PI4K2A: variants seen among roughly 807,000 people sequenced by gnomAD.
The protein encoded by PI4K2A is phosphatidylinositol 4-kinase type 2 alpha.
A neutral mutation model predicts 55.0 loss-of-function variants in PI4K2A; 20 were observed. That is an observed-to-expected ratio of 0.36 (90% CI 0.26 to 0.53). The LOEUF is 0.53. PI4K2A is among the 20% of genes least tolerant of loss of function. The probability of loss-of-function intolerance (pLI) is 0.91; values close to 1 mark genes in which losing one functional copy is unlikely to be tolerated. For missense variants in PI4K2A, 463 were observed against 637.1 expected, an observed-to-expected ratio of 0.73 and a Z score of 2.94; for synonymous variants, 235 against 258.5, an observed-to-expected ratio of 0.91 and a Z score of 0.87.
At chr10:97,650,536 C>T (rs2041526200) in intron 1 of PI4K2A, among the ~76,000 whole-genome samples, 2 of 152,168 alleles carry the variant, frequency 1.3e-5, no homozygotes, top group African/African-American at 4.8e-5. Context: ...CCCGCCTTGG[C>T]CTCCCAAAGT....
chr10:97,668,076 G>C (rs1453402179), intron 8 of PI4K2A, among the ~76,000 whole-genome samples: 1 of 152,172 alleles, frequency 6.6e-6, no homozygotes, highest in African/African-American at 2.4e-5. Context: ...AAAATGGTTT[G>C]AAAACTCTGT....
At chr10:97,641,623 C>T (rs1047905753) in intron 1 of PI4K2A, among the ~76,000 whole-genome samples, 1 of 152,176 alleles carries the variant, frequency 6.6e-6, no homozygotes, top group Admixed American at 6.5e-5. Context: ...ATCAGGGGAT[C>T]TGAGAATTCA....
At chr10:97,669,072 G>T (rs187105198) in intron 8 of PI4K2A, among the ~76,000 whole-genome samples, 5 of 152,226 alleles carry the variant, frequency 3.3e-5, no homozygotes, top group African/African-American at 9.6e-5. Context: ...CACCATGTTG[G>T]CCAGGGTGGT....
chr10:97,670,641 A>G (rs897034459), intron 8 of PI4K2A, among the ~76,000 whole-genome samples: 2 of 152,166 alleles, frequency 1.3e-5, no homozygotes, highest in African/African-American at 4.8e-5. Context: ...GTACCAAAAC[A>G]ATTAAGTAAA....
chr10:97,654,658 G>A (rs1254433932), intron 2 of PI4K2A, among the ~76,000 whole-genome samples: 1 of 152,190 alleles, frequency 6.6e-6, no homozygotes, highest in African/African-American at 2.4e-5. Context: ...GTTAGGTGCT[G>A]TGGATGCTAA....
exon 9 of PI4K2A, chr10:97,675,345 CG>C (rs1179730677): frequency 6.6e-6 from 1 of 152,408 alleles, no homozygotes; most frequent in East Asian, 1.9e-4. Flanking sequence ...CCACTTGTCC[CG>C]GGCTTCCACC....
intron 1 of PI4K2A, among the ~76,000 whole-genome samples, chr10:97,650,169 C>T (rs1404675993): frequency 2.6e-5 from 4 of 151,328 alleles, no homozygotes; most frequent in Admixed American, 1.3e-4. Context: ...TTAGAGCCCT[C>T]GATATGTGCA....
chr10:97,642,865 T>TTCTTTTTCTTTCTTTCTTTC lies in PI4K2A; in HGVS notation c.435+1689_435+1690insCTTTTTCTTTCTTTCTTTCT, dbSNP rs1554878117. ...TTCCTTCCTTCCTTTCTTTCTTTCTTTTTCTTTCTTTCTTTCTTTCTTCCT... is the reference window on the plus strand; with the variant it reads ...TTCCTTCCTTCCTTTCTTTCTTTCTTTCTTTTTCTTTCTTTCTTTCTTTCTTTCTTTCTTTCTTTCTTCCT... On this transcript the variant is annotated intron_variant, in intron 1 of 8. Transcript: ENST00000370631. Among the ~76,000 whole-genome samples, 30 of 53,684 alleles carry TTCTTTTTCTTTCTTTCTTTC rather than the reference T, an allele frequency of 5.6e-4. 1 individual carries two copies. Among genetic ancestry groups the TTCTTTTTCTTTCTTTCTTTC allele is most frequent in the Non-Finnish European group, 1.1e-3 (27 of 25,040 alleles). 35.2% of individuals were successfully genotyped at this position (53,684 alleles called of 152,430 possible). A position where few individuals can be genotyped will look rare whatever the true frequency, so the allele number is the denominator to read the frequency against.
chr10:97,671,922 A>G (rs1589939546), intron 8 of PI4K2A, among the ~76,000 whole-genome samples: 2 of 150,582 alleles, frequency 1.3e-5, no homozygotes, highest in Admixed American at 6.6e-5. Context: ...CCAAAGTGCT[A>G]GGATTACAGG....
At chr10:97,661,389 T>C (rs1336792286) in intron 4 of PI4K2A, among the ~76,000 whole-genome samples, 3 of 146,268 alleles carry the variant, frequency 2.1e-5, no homozygotes, top group African/African-American at 5.1e-5. Context: ...TTTTTTTTTT[T>C]CAGTATAATC....
chr10:97,665,251 T>G (rs2041604055), intron 6 of PI4K2A, among the ~76,000 whole-genome samples: 1 of 152,188 alleles, frequency 6.6e-6, no homozygotes, highest in South Asian at 2.1e-4. Context: ...TCATTGTCTC[T>G]TTGCATTCTT....
exon 1 of PI4K2A, chr10:97,640,716 C>T (rs1304301451): frequency 2.1e-6 from 3 of 1,442,034 alleles, no homozygotes; most frequent in Non-Finnish European, 1.8e-6. Flanking sequence ...TGGAGCGCGC[C>T]GGGTCCCGGA....
chr10:97,655,244 C>T (rs891684471), intron 2 of PI4K2A, among the ~76,000 whole-genome samples: 1 of 151,756 alleles, frequency 6.6e-6, no homozygotes, highest in Non-Finnish European at 1.5e-5. Context: ...GTGGCACACA[C>T]CTGTAATCCC....
intron 1 of PI4K2A, among the ~76,000 whole-genome samples, chr10:97,642,862 T>TC (rs2041481795): frequency 6.0e-5 from 1 of 16,588 alleles, no homozygotes; most frequent in African/African-American, 1.9e-4. Flanking sequence ...TTTCTTTCTT[T>TC]CTTTTTCTTT....
At chr10:97,673,694 C>T (rs769233349) in exon 9 of PI4K2A, 1 of 1,614,164 alleles carries the variant, frequency 6.2e-7, no homozygotes, top group Non-Finnish European at 8.5e-7. Context: ...CTAGCGAGTC[C>T]TACACACAGA....
chr10:97,648,529 A>G (rs2041516050), intron 1 of PI4K2A, among the ~76,000 whole-genome samples: 1 of 152,212 alleles, frequency 6.6e-6, no homozygotes, highest in Admixed American at 6.5e-5. Context: ...GTCTTTAAGT[A>G]GAAGTATTTA....
chr10:97,662,874 C>A, intron 4 of PI4K2A, 33 bp from the exon 5 acceptor site: 1 of 1,498,622 alleles, frequency 6.7e-7, no homozygotes, highest in East Asian at 2.3e-5. Context: ...ATCATCCCCC[C>A]TTTTTCTGCT....
chr10:97,671,148 A>AG (rs1298321976), intron 8 of PI4K2A, among the ~76,000 whole-genome samples: 2 of 152,080 alleles, frequency 1.3e-5, no homozygotes, highest in East Asian at 1.9e-4. Flanking sequence ...AGAAAAAAAA[A>AG]AAGAGAGAGA....
exon 1 of PI4K2A, chr10:97,640,730 G>C: frequency 2.0e-6 from 3 of 1,479,334 alleles, no homozygotes; most frequent in Non-Finnish European, 2.7e-6. Context: ...TCCCGGAGCC[G>C]GCTGTCTGAG....
Sources: allele counts gnomAD v4.1 joint callset (sites outside exome capture counted in the v4.1 genomes callset), GRCh38; gene constraint gnomAD v4.1.1; transcripts MANE v1.5; gene names NCBI Gene and HGNC (gene_info 2026-07-23, HGNC 2026-07-21).